The following DPYSL2 variants were observed in gnomAD, a reference collection of about 807,000 sequenced individuals.
DPYSL2 encodes dihydropyrimidinase-related protein 2.
DPYSL2 carries 13 observed loss-of-function variants against 69.9 expected under a neutral mutation model. That is an observed-to-expected ratio of 0.19 (90% CI 0.12 to 0.30). DPYSL2 has a LOEUF of 0.30. DPYSL2 is among the 10% of genes least tolerant of loss of function. DPYSL2 has a pLI of 1.00. For synonymous variants in DPYSL2, 326 were observed against 359.1 expected (o/e 0.91, Z 1.04); for missense variants, 587 against 918.9 (o/e 0.64, Z 4.67).
At chr8:26,546,070 A>T (rs964784145) in intron 1 of DPYSL2, among the ~76,000 whole-genome samples, 1 of 152,228 alleles carries the variant, frequency 6.6e-6, no homozygotes, top group African/African-American at 2.4e-5. Context: ...GAATGTATAG[A>T]TCCAGTTGGG....
intron 1 of DPYSL2, among the ~76,000 whole-genome samples, chr8:26,570,240 G>T (rs1208777997): frequency 9.5e-6 from 1 of 104,764 alleles, no homozygotes; most frequent in Non-Finnish European, 2.4e-5. Context: ...CCTATGAGGG[G>T]AGGGCCAGAG....
chr8:26,634,582 A>G (rs564475787), intron 7 of DPYSL2, among the ~76,000 whole-genome samples, 198 bp from the exon 8 acceptor site: 1 of 152,172 alleles, frequency 6.6e-6, no homozygotes, highest in East Asian at 1.9e-4. Context: ...GTGTCCAGCC[A>G]CAGGAGGGAA....
rs891632115 is a variant in DPYSL2 at position 26,609,213 on chromosome 8, G to T, written c.629-14930G>T. 1.3e-5 allele frequency among the ~76,000 whole-genome samples: 2 copies of T among 152,176 alleles called. No homozygotes were observed. Among genetic ancestry groups the T allele is most frequent in the Non-Finnish European group, 2.9e-5 (2 of 68,020 alleles). Reference sequence around the variant, plus strand: ...ACCTCATTTATTTCAACCCATATTTGTACAGAAGGATTTTTGTAATCAAAT... The same window carrying T: ...ACCTCATTTATTTCAACCCATATTTTTACAGAAGGATTTTTGTAATCAAAT... On this transcript the variant is annotated intron_variant, in intron 3 of 13. Coordinates refer to ENST00000521913, the MANE Select transcript of DPYSL2 (RefSeq NM_001197293.3). This position sits in a 1 kb window ranked among gnomAD's most constrained non-coding sequence, Gnocchi z 6.5.
chr8:26,652,775 G>A lies in DPYSL2; in HGVS notation c.1776+339G>A, dbSNP rs7840494. On this transcript the variant is annotated intron_variant, in intron 12 of 13. Coordinates refer to ENST00000521913, the MANE Select transcript of DPYSL2 (RefSeq NM_001197293.3). The surrounding 1 kb of genome is among the most constrained non-coding windows in gnomAD (Gnocchi z 6.3). The stretch of plus-strand genomic sequence containing the variant: ...TGAAGGTTAAGTAGGAGTTTGTCAA[G>A]TCAAAGAAGGGAGATGAGGGAATTT... 0.44 allele frequency among the ~76,000 whole-genome samples: 66,725 copies of A among 151,910 alleles called. 15,762 individuals carry two copies. The highest frequency in any genetic ancestry group is 0.54 in the Non-Finnish European group (36,384 of 67,926).
chr8:26,604,732 C>A (rs1428749052), intron 3 of DPYSL2, among the ~76,000 whole-genome samples: 25 of 152,002 alleles, frequency 1.6e-4, no homozygotes, highest in Admixed American at 1.5e-3. Context: ...CGGCTCACTG[C>A]AACCTCCACC....
At chr8:26,569,385 AACC>A (rs1801203554) in intron 1 of DPYSL2, among the ~76,000 whole-genome samples, 1 of 150,006 alleles carries the variant, frequency 6.7e-6, no homozygotes, top group Non-Finnish European at 1.5e-5. Flanking sequence ...AACAAAAAAA[AACC>A]AAAGAAAAAC....
chr8:26,553,523 C>T (rs895565743), intron 1 of DPYSL2, among the ~76,000 whole-genome samples: 7 of 152,170 alleles, frequency 4.6e-5, no homozygotes, highest in South Asian at 2.1e-4. Context: ...ATGATGTCTT[C>T]CAGCTTCATC....
At position 26,609,591 on chromosome 8, in the gene DPYSL2, CA is replaced by C. The variant is rs1802182611; in HGVS notation, c.629-14548del. 6.6e-6 allele frequency among the ~76,000 whole-genome samples: 1 copy of C among 152,164 alleles called. No homozygotes were observed. Among genetic ancestry groups the C allele is most frequent in the South Asian group, 2.1e-4 (1 of 4,820 alleles). The stretch of plus-strand genomic sequence containing the variant: ...CTGTGGTCCCGTAGCCCCAGGCAAC[CA>C]AAAGCTGAGACAAACAGAGGAAGTG... On this transcript the variant is annotated intron_variant, in intron 3 of 13. Coordinates refer to ENST00000521913, the MANE Select transcript of DPYSL2 (RefSeq NM_001197293.3). This position sits in a 1 kb window ranked among gnomAD's most constrained non-coding sequence, Gnocchi z 6.5.
intron 10 of DPYSL2, among the ~76,000 whole-genome samples, chr8:26,646,837 G>GC (rs1297233514): frequency 6.6e-6 from 1 of 151,960 alleles, no homozygotes; most frequent in Non-Finnish European, 1.5e-5. Context: ...AAAAAAATTA[G>GC]CCTGGTATGG....
chr8:26,640,774 C>G lies in DPYSL2; in HGVS notation c.1127-2665C>G, dbSNP rs1803023132. Among the ~76,000 whole-genome samples, 1 of 152,202 alleles carries G rather than the reference C, an allele frequency of 6.6e-6. No individual in the cohort carries two copies. Among genetic ancestry groups the G allele is most frequent in the Non-Finnish European group, 1.5e-5 (1 of 68,028 alleles). ...AGTAGAAATGAACCACAGGATGGCTCCATCCCTCCCCTGGCATCCACTGCC... is the reference window on the plus strand; with the variant it reads ...AGTAGAAATGAACCACAGGATGGCTGCATCCCTCCCCTGGCATCCACTGCC... On this transcript the variant is annotated intron_variant, in intron 8 of 13. Transcript: ENST00000521913. The surrounding 1 kb of genome is among the most constrained non-coding windows in gnomAD (Gnocchi z 4.2).
chr8:26,606,278 G>A (rs745547531), intron 3 of DPYSL2, among the ~76,000 whole-genome samples: 14 of 151,976 alleles, frequency 9.2e-5, no homozygotes, highest in African/African-American at 2.2e-4. Context: ...ACCTTAGTTC[G>A]TATACCAAAA....
Position 26,628,737 on chromosome 8 carries a change from G to A in DPYSL2, c.1005+797G>A, listed in dbSNP as rs143202574. On this transcript the variant is annotated intron_variant, in intron 7 of 13. Coordinates refer to ENST00000521913, the MANE Select transcript of DPYSL2 (RefSeq NM_001197293.3). Reference sequence around the variant, plus strand: ...AGGAAGTGGCAGAAAAGGGACTGGCGCCGAGCAGTGGGGGAAGATCACCAA... The same window carrying A: ...AGGAAGTGGCAGAAAAGGGACTGGCACCGAGCAGTGGGGGAAGATCACCAA... 8.5e-5 allele frequency among the ~76,000 whole-genome samples: 13 copies of A among 152,266 alleles called. No homozygotes were observed. In the East Asian group the frequency reaches 1.9e-3, roughly 23 times the overall value.
intron 1 of DPYSL2, among the ~76,000 whole-genome samples, chr8:26,579,265 T>G (rs62491887): frequency 6.6e-5 from 10 of 152,240 alleles, no homozygotes; most frequent in African/African-American, 9.6e-5. Context: ...TGCCGTGAAT[T>G]AGCGATGCCT....
Position 26,653,121 on chromosome 8 carries a change from G to A in DPYSL2, c.1777-111G>A. The A allele has an allele frequency of 7.5e-7, 1 of 1,335,766 alleles. No individual in the cohort carries two copies. Among genetic ancestry groups the A allele is most frequent in the Non-Finnish European group, 1.0e-6 (1 of 971,404 alleles). The allele number at this position is 1,335,766 out of a possible 1,614,324, so 82.7% of individuals were successfully genotyped here. A position where few individuals can be genotyped will look rare whatever the true frequency, so the allele number is the denominator to read the frequency against. ...CAACACCTGTCCACCTGTCTGTAAGGAGAGCCCTCCATCCCTAGATCTCAC... is the reference window on the plus strand; with the variant it reads ...CAACACCTGTCCACCTGTCTGTAAGAAGAGCCCTCCATCCCTAGATCTCAC... On this transcript the variant is annotated intron_variant, in intron 12 of 13. Transcript: ENST00000521913. The surrounding 1 kb of genome is among the most constrained non-coding windows in gnomAD (Gnocchi z 5.7).
At chr8:26,534,507 A>G (rs1174480063) in intron 1 of DPYSL2, among the ~76,000 whole-genome samples, 1 of 152,030 alleles carries the variant, frequency 6.6e-6, no homozygotes, top group Non-Finnish European at 1.5e-5. Context: ...TGAGCTCTGG[A>G]GCCAGTTACC....
At chr8:26,577,834 A>T (rs1019726325) in intron 1 of DPYSL2, 16 of 1,044,780 alleles carry the variant, frequency 1.5e-5, no homozygotes, top group Admixed American at 5.8e-5. Context: ...ATATCCCAGG[A>T]TCGCGGCCAA....
In DPYSL2 at chr8:26,656,666, C is replaced by T. The variant is rs1803399197; in HGVS notation, c.*960C>T. 6.5e-6 allele frequency: 1 copy of T among 152,752 alleles called. No individual in the cohort carries two copies. Among genetic ancestry groups the T allele is most frequent in the Non-Finnish European group, 1.5e-5 (1 of 68,112 alleles). The allele number at this position is 152,752 out of a possible 1,614,324, so 9.5% of individuals were successfully genotyped here. On this transcript the variant is annotated 3_prime_UTR_variant, in exon 14 of 14. Transcript: ENST00000521913. ...TAAAGGATTTGAGCGTTTGCCATTG[C>T]AAGCATAGTGCTGTGTCATCCTGGT...
intron 3 of DPYSL2, among the ~76,000 whole-genome samples, chr8:26,595,487 G>A (rs1801839543): frequency 6.6e-6 from 1 of 152,104 alleles, no homozygotes; most frequent in Non-Finnish European, 1.5e-5. Context: ...AACTTTATAA[G>A]TGGCCATTGC....
At chr8:26,574,318 G>A (rs1801290041) in intron 1 of DPYSL2, among the ~76,000 whole-genome samples, 1 of 152,200 alleles carries the variant, frequency 6.6e-6, no homozygotes, top group Non-Finnish European at 1.5e-5. Context: ...TGAGCATGGG[G>A]ACAGAGTAGG....
Sources: gnomAD v4.1 joint callset for allele counts (sites outside exome capture counted in the v4.1 genomes callset) on GRCh38, gnomAD v4.1.1 for gene constraint, Gnocchi (gnomAD v3.1) non-coding constraint, MANE v1.5 for transcripts, NCBI Gene and HGNC (gene_info 2026-07-23, HGNC 2026-07-21) for gene names.